Variants in ADH7 observed in about 807,000 individuals in gnomAD.
ADH7 encodes the protein alcohol dehydrogenase 7 (class IV), mu or sigma polypeptide, also known as all-trans-retinol dehydrogenase [NAD(+)] ADH7.
Under a neutral mutation model 34.4 loss-of-function variants are expected in ADH7, and 41 were observed. That is an observed-to-expected ratio of 1.19 (90% CI 0.93 to 1.55). The LOEUF (loss-of-function observed/expected upper bound fraction) is 1.55. ADH7 is among the 40% of genes most tolerant of loss of function. ADH7 has a pLI of 0.00. For synonymous variants in ADH7, 180 were observed against 160.9 expected, an observed-to-expected ratio of 1.12 and a Z score of -0.90; for missense variants, 540 against 461.2, an observed-to-expected ratio of 1.17 and a Z score of -1.56.
Position 99,415,606 on chromosome 4 carries a change from G to T in ADH7, c.972C>A (p.Ser324Arg), listed in dbSNP as rs371078645. The change falls in exon 8 of 9, where the codon AGC becomes AGA. Residue 324 changes from serine to arginine, a missense_variant. Coordinates refer to ENST00000437033, the MANE Select transcript of ADH7 (RefSeq NM_000673.7). ...TCACTAGTTTTGGGACATCATCTCTGCTTTTCAAACCTGCAAATAAGCACA... is the reference window on the plus strand; with the variant it reads ...TCACTAGTTTTGGGACATCATCTCTTCTTTTCAAACCTGCAAATAAGCACA... ...WKGCVFGGLKSRDDVPKLVTE... is the reference protein window; with the variant it reads ...WKGCVFGGLKRRDDVPKLVTE... 1 of 1,612,758 alleles carries T rather than the reference G, an allele frequency of 6.2e-7. No homozygotes were observed. Among genetic ancestry groups the T allele is most frequent in the African/African-American group, 1.3e-5 (1 of 74,926 alleles).
intron 1 of ADH7, among the ~76,000 whole-genome samples, chr4:99,434,801 G>A (rs570211197): frequency 7.9e-5 from 12 of 152,168 alleles, no homozygotes; most frequent in African/African-American, 1.4e-4. Flanking sequence ...TGGCAGGAAC[G>A]TTTCTTCCAA....
At chr4:99,430,032 A>C (rs913421359) in intron 1 of ADH7, 1 of 153,688 alleles carries the variant, frequency 6.5e-6, no homozygotes, top group Non-Finnish European at 1.4e-5. Context: ...ACAAGAGACA[A>C]ATTTATAAAA....
intron 5 of ADH7, among the ~76,000 whole-genome samples, chr4:99,422,765 G>C (rs773444601): frequency 6.6e-6 from 1 of 150,396 alleles, no homozygotes; most frequent in Non-Finnish European, 1.5e-5. Context: ...TGCATTTCTT[G>C]ATAAAGGTTT....
chr4:99,423,905 G>A (rs1721734196), intron 5 of ADH7, among the ~76,000 whole-genome samples: 1 of 151,856 alleles, frequency 6.6e-6, no homozygotes, highest in Non-Finnish European at 1.5e-5. Flanking sequence ...TGTCAATTTT[G>A]GCTTTTGTTG....
At position 99,427,012 on chromosome 4, in the gene ADH7, G is replaced by A. The variant is rs13137887; in HGVS notation, c.564+761C>T. The stretch of plus-strand genomic sequence containing the variant: ...AAGGCCTTTGACAAAATTCAACAAT[G>A]CTTCATGCTAAAAACTCTCAATAAA... On this transcript the variant is annotated intron_variant, in intron 5 of 8. Coordinates refer to ENST00000437033, the MANE Select transcript of ADH7 (RefSeq NM_000673.7). 6.0e-3 allele frequency among the ~76,000 whole-genome samples: 914 copies of A among 152,082 alleles called. 7 individuals carry two copies. Among genetic ancestry groups the A allele is most frequent in the African/African-American group, 0.02 (823 of 41,526 alleles).
intron 7 of ADH7, among the ~76,000 whole-genome samples, chr4:99,418,293 T>G (rs530178145): frequency 6.6e-6 from 1 of 152,322 alleles, no homozygotes; most frequent in Admixed American, 6.5e-5. Context: ...CATTTTCTCC[T>G]TTTTATACTC....
rs1400308606 is a variant in ADH7 at position 99,435,273 on chromosome 4, C to A, written c.-40G>T. ...GGATCTGTATTTCTGCAAACATAGA[C>A]TTTTTCTGACTGATGCTCAGTTCAC... On this transcript the variant is annotated 5_prime_UTR_variant, in exon 1 of 9. Transcript: ENST00000437033. 1.2e-6 allele frequency: 2 copies of A among 1,612,762 alleles called. No homozygotes were observed. The highest frequency in any genetic ancestry group is 2.7e-5 in the African/African-American group (2 of 74,900).
At chr4:99,415,414 A>G in intron 8 of ADH7, 64 bp downstream of exon 8, 1 of 1,493,238 alleles carries the variant, frequency 6.7e-7, no homozygotes, top group South Asian at 1.2e-5. Flanking sequence ...AGGCACATTT[A>G]TAAGTACTAA....
intron 8 of ADH7, among the ~76,000 whole-genome samples, chr4:99,414,125 T>C (rs1171768476): frequency 6.6e-6 from 1 of 152,092 alleles, no homozygotes; most frequent in East Asian, 1.9e-4. Context: ...AAACAAATAG[T>C]AATTATTTTC....
At chr4:99,427,166 T>C (rs1279555749) in intron 5 of ADH7, among the ~76,000 whole-genome samples, 1 of 152,122 alleles carries the variant, frequency 6.6e-6, no homozygotes, top group African/African-American at 2.4e-5. Context: ...AACATCACAG[T>C]TGATGGAAAA....
At chr4:99,413,529 C>T (rs1292488270) in intron 8 of ADH7, among the ~76,000 whole-genome samples, 2 of 152,082 alleles carry the variant, frequency 1.3e-5, no homozygotes, top group African/African-American at 4.8e-5. Context: ...GACCTACTTC[C>T]CTCACTTTAT....
intron 5 of ADH7, among the ~76,000 whole-genome samples, chr4:99,425,564 C>A (rs945212724): frequency 1.3e-4 from 20 of 151,896 alleles, no homozygotes; most frequent in Non-Finnish European, 5.9e-5. Flanking sequence ...ATAAAGCAAG[C>A]CCTGAGTGAC....
chr4:99,433,622 T>C (rs1446620468), intron 1 of ADH7, among the ~76,000 whole-genome samples: 1 of 152,104 alleles, frequency 6.6e-6, no homozygotes, highest in Non-Finnish European at 1.5e-5. Flanking sequence ...TAAAATGTGG[T>C]AATCAGGGTG....
At chr4:99,435,126 T>G in intron 1 of ADH7, 90 bp downstream of exon 1, 1 of 1,559,222 alleles carries the variant, frequency 6.4e-7, no homozygotes, top group Non-Finnish European at 8.7e-7. Flanking sequence ...TATCTCCAAG[T>G]GTTTAATTAC....
chr4:99,427,759 A>C lies in ADH7; in HGVS notation c.564+14T>G. ...GAAAGAAGAACAAATAAACTAGCCT[A>C]CCCTGTTTCTTACCTTGCCAGTTTT... On this transcript the variant is annotated intron_variant, in intron 5 of 8. Coordinates refer to ENST00000437033, the MANE Select transcript of ADH7 (RefSeq NM_000673.7). 1 of 1,501,362 alleles carries C rather than the reference A, an allele frequency of 6.7e-7. No individual in the cohort carries two copies. The highest frequency in any genetic ancestry group is 8.9e-7 in the Non-Finnish European group (1 of 1,122,426). 93.0% of individuals were successfully genotyped at this position (1,501,362 alleles called of 1,614,324 possible). A position where few individuals can be genotyped will look rare whatever the true frequency, so the allele number is the denominator to read the frequency against.
At chr4:99,428,658 C>T (rs1368857620) in intron 2 of ADH7, 28 bp from the exon 3 acceptor site, 2 of 1,601,742 alleles carry the variant, frequency 1.2e-6, no homozygotes, top group South Asian at 2.3e-5. Flanking sequence ...AACATTGCAC[C>T]AATCAACAAA....
chr4:99,412,286 T>G lies in ADH7; in HGVS notation c.*862A>C, dbSNP rs1041423644. On this transcript the variant is annotated 3_prime_UTR_variant, in exon 9 of 9. Coordinates refer to ENST00000437033, the MANE Select transcript of ADH7 (RefSeq NM_000673.7). The stretch of plus-strand genomic sequence containing the variant: ...CATTTTATATAATTTTTAATTTTCT[T>G]AAGAATTTTTAACATGTTATAGATA... 6.6e-6 allele frequency: 1 copy of G among 152,150 alleles called. No individual in the cohort carries two copies. Among genetic ancestry groups the G allele is most frequent in the Non-Finnish European group, 1.5e-5 (1 of 67,990 alleles). 9.4% of individuals were successfully genotyped at this position (152,150 alleles called of 1,614,324 possible).
At chr4:99,432,800 A>T (rs1414978315) in intron 1 of ADH7, 1 of 152,198 alleles carries the variant, frequency 6.6e-6, no homozygotes. Context: ...TTAAAAAAAT[A>T]AAAATGAGAT....
intron 6 of ADH7, among the ~76,000 whole-genome samples, chr4:99,419,834 A>G (rs946415151): frequency 6.6e-6 from 1 of 152,192 alleles, no homozygotes; most frequent in Non-Finnish European, 1.5e-5. Flanking sequence ...ATTAAGGACT[A>G]TTTATTCTTA....
Sources: gnomAD v4.1 joint callset for allele counts (sites outside exome capture counted in the v4.1 genomes callset) on GRCh38, gnomAD v4.1.1 for gene constraint, MANE v1.5 for transcripts, NCBI Gene and HGNC (gene_info 2026-07-23, HGNC 2026-07-21) for gene names.